Variants in ANKS1B observed in about 807,000 individuals in gnomAD.
The protein encoded by ANKS1B is ankyrin repeat and sterile alpha motif domain containing 1B, also known as ankyrin repeat and sterile alpha motif domain-containing protein 1B.
A neutral mutation model predicts 148.3 loss-of-function variants in ANKS1B; 36 were observed. That is an observed-to-expected ratio of 0.24 (90% confidence interval 0.19 to 0.32). The LOEUF (loss-of-function observed/expected upper bound fraction) is 0.32. Among genes scored for constraint, ANKS1B ranks in the 10% least tolerant of loss-of-function variants. The pLI, the probability that ANKS1B is intolerant of heterozygous loss-of-function variation, is 1.00. For missense variants in ANKS1B, 1,157 were observed against 1,542.6 expected, an observed-to-expected ratio of 0.75 and a Z score of 4.19; for synonymous variants, 542 against 560.8, an observed-to-expected ratio of 0.97 and a Z score of 0.47.
At chr12:99,481,470 C>T (rs1383318260) in intron 10 of ANKS1B, among the ~76,000 whole-genome samples, 1 of 151,886 alleles carries the variant, frequency 6.6e-6, no homozygotes, top group African/African-American at 2.4e-5. Flanking sequence ...GCTTCCACAT[C>T]TTTGCAATTG....
In ANKS1B at chr12:98,773,188, A is replaced by G. The variant is rs1441361182; in HGVS notation, c.3442-9T>C. On this transcript the variant is annotated splice_polypyrimidine_tract_variant and intron_variant, in intron 24 of 26. Transcript: ENST00000683438. ...TGCTCAGCAATTATGTTCTGGAAGA[A>G]ATGACATAAATGATCATTGTTTTCC... is the stretch of plus-strand genomic sequence containing the variant. 1.3e-6 allele frequency: 2 copies of G among 1,596,898 alleles called. No homozygotes were observed. Among genetic ancestry groups the G allele is most frequent in the Non-Finnish European group, 1.7e-6 (2 of 1,172,030 alleles).
intron 17 of ANKS1B, among the ~76,000 whole-genome samples, chr12:98,883,649 T>G (rs2099723144): frequency 1.3e-5 from 2 of 152,228 alleles, no homozygotes; most frequent in Admixed American, 6.5e-5. Flanking sequence ...TGATAAAACT[T>G]TACAATTTAA....
At chr12:98,969,650 A>G (rs192931719) in intron 17 of ANKS1B, among the ~76,000 whole-genome samples, 1 of 152,326 alleles carries the variant, frequency 6.6e-6, no homozygotes, top group East Asian at 1.9e-4. Flanking sequence ...TTTAAACACA[A>G]GCTGCATTTA....
intron 12 of ANKS1B, among the ~76,000 whole-genome samples, chr12:99,291,533 A>AT: frequency 6.6e-6 from 1 of 152,206 alleles, no homozygotes; most frequent in Non-Finnish European, 1.5e-5. Flanking sequence ...TGGTTCTAGC[A>AT]TAAAAACAGG....
intron 17 of ANKS1B, among the ~76,000 whole-genome samples, chr12:99,018,510 C>T (rs1009473634): frequency 2.0e-5 from 3 of 152,124 alleles, no homozygotes; most frequent in Non-Finnish European, 2.9e-5. Flanking sequence ...ACAATTAGGA[C>T]GTCTTAGGTC....
chr12:99,981,556 C>T (rs2095702608), intron 1 of ANKS1B, among the ~76,000 whole-genome samples: 1 of 151,986 alleles, frequency 6.6e-6, no homozygotes, highest in African/African-American at 2.4e-5. Flanking sequence ...TCTAAATTGG[C>T]CACATACCTT....
At chr12:99,509,919 C>T (rs965514755) in intron 9 of ANKS1B, among the ~76,000 whole-genome samples, 6 of 151,958 alleles carry the variant, frequency 3.9e-5, no homozygotes, top group Admixed American at 1.3e-4. Flanking sequence ...GAAGCCAATG[C>T]TCATTTACCA....
intron 8 of ANKS1B, among the ~76,000 whole-genome samples, chr12:99,759,363 A>AT (rs2061867583): frequency 6.6e-6 from 1 of 151,966 alleles, no homozygotes; most frequent in Non-Finnish European, 1.5e-5. Context: ...ATCATAGAGA[A>AT]TCCCAATTCT....
chr12:99,450,140 C>A (rs541013761), intron 10 of ANKS1B, among the ~76,000 whole-genome samples: 1 of 152,042 alleles, frequency 6.6e-6, no homozygotes, highest in Admixed American at 6.6e-5. Flanking sequence ...AAGTCAAGAG[C>A]CAACATTTCA....
chr12:98,892,413 G>A (rs1274682431), intron 17 of ANKS1B, among the ~76,000 whole-genome samples: 1 of 152,138 alleles, frequency 6.6e-6, no homozygotes, highest in African/African-American at 2.4e-5. Flanking sequence ...ATTAGGAATG[G>A]CTTCCCCCAC....
At chr12:98,955,903 G>GTTA (rs1322256895) in intron 17 of ANKS1B, among the ~76,000 whole-genome samples, 2 of 152,238 alleles carry the variant, frequency 1.3e-5, no homozygotes, top group South Asian at 2.1e-4. Flanking sequence ...TCTTAATCAA[G>GTTA]TGTTTAACTC....
chr12:98,909,398 CAG>C (rs1322390005), intron 17 of ANKS1B, among the ~76,000 whole-genome samples: 1 of 152,164 alleles, frequency 6.6e-6, no homozygotes, highest in African/African-American at 2.4e-5. Context: ...ACATGAGGCT[CAG>C]AGAGGCTAAG....
At position 99,506,309 on chromosome 12, in the gene ANKS1B, C is replaced by T. The variant is rs73147348; in HGVS notation, c.1273-1668G>A. 3.5e-3 allele frequency among the ~76,000 whole-genome samples: 526 copies of T among 152,038 alleles called. 6 individuals are homozygous for T. The highest frequency in any genetic ancestry group is 0.011 in the African/African-American group (437 of 41,516). On this transcript the variant is annotated intron_variant, in intron 9 of 26. Coordinates refer to ENST00000683438, the MANE Select transcript of ANKS1B (RefSeq NM_001352186.2). The stretch of plus-strand genomic sequence containing the variant: ...TTCTAGGGCTGATAAAGATTTAGTA[C>T]GAATTCCTAGTTTTTCTACAGTACA...
chr12:98,873,808 C>T (rs1004171643), intron 17 of ANKS1B, among the ~76,000 whole-genome samples: 3 of 152,302 alleles, frequency 2.0e-5, no homozygotes, highest in Admixed American at 1.3e-4. Flanking sequence ...TAAACAGAAA[C>T]ATGAGCAAAT....
chr12:99,780,907 C>A (rs1377485426), intron 5 of ANKS1B, among the ~76,000 whole-genome samples: 2 of 152,136 alleles, frequency 1.3e-5, no homozygotes, highest in African/African-American at 2.4e-5. Context: ...TCACACTAAT[C>A]ATCCACCTGA....
chr12:99,255,082 T>C (rs540139081), intron 12 of ANKS1B, among the ~76,000 whole-genome samples: 1 of 152,350 alleles, frequency 6.6e-6, no homozygotes, highest in South Asian at 2.1e-4. Flanking sequence ...GATATGTTTC[T>C]TGAAAGCCTT....
intron 22 of ANKS1B, among the ~76,000 whole-genome samples, chr12:98,787,262 A>C (rs1294010663): frequency 6.6e-6 from 1 of 152,174 alleles, no homozygotes; most frequent in African/African-American, 2.4e-5. Flanking sequence ...CACCATTTGA[A>C]ACTGAGCTTA....
At chr12:99,266,620 C>T (rs914764197) in intron 12 of ANKS1B, among the ~76,000 whole-genome samples, 14 of 152,030 alleles carry the variant, frequency 9.2e-5, no homozygotes, top group African/African-American at 1.9e-4. Context: ...TATAACATTT[C>T]GGAGGGTGTC....
chr12:98,912,282 G>A (rs1455797960), intron 17 of ANKS1B, among the ~76,000 whole-genome samples: 6 of 152,268 alleles, frequency 3.9e-5, no homozygotes, highest in Admixed American at 3.9e-4. Context: ...TCACGACTCT[G>A]AGCATAATGA....
Sources: allele counts gnomAD v4.1 joint callset (sites outside exome capture counted in the v4.1 genomes callset), GRCh38; gene constraint gnomAD v4.1.1; transcripts MANE v1.5; gene names NCBI Gene and HGNC (gene_info 2026-07-23, HGNC 2026-07-21).